Variants in CPQ observed in about 807,000 individuals in gnomAD.
The protein encoded by CPQ is carboxypeptidase Q.
In CPQ, 37 loss-of-function variants were observed where a neutral mutation model predicts 45.7. That is an observed-to-expected ratio of 0.81 (90% CI 0.62 to 1.07). CPQ has a LOEUF of 1.07. Among genes scored for constraint, CPQ ranks in the 50% least tolerant of loss-of-function variants. CPQ has a pLI of 0.00. For missense variants in CPQ, 537 were observed against 572.9 expected, an observed-to-expected ratio of 0.94 and a Z score of 0.64; for synonymous variants, 186 against 205.8, an observed-to-expected ratio of 0.90 and a Z score of 0.82.
intron 1 of CPQ, among the ~76,000 whole-genome samples, chr8:96,737,942 A>G (rs551738381): frequency 5.3e-5 from 8 of 152,036 alleles, no homozygotes; most frequent in Non-Finnish European, 7.4e-5. Flanking sequence ...TGTATTTTCT[A>G]TTTTTTAGTA....
chr8:96,687,513 G>A (rs942532521), intron 1 of CPQ, among the ~76,000 whole-genome samples: 2 of 151,798 alleles, frequency 1.3e-5, no homozygotes, highest in Non-Finnish European at 2.9e-5. Context: ...CTGGCCACAT[G>A]CCATTTTTCT....
intron 4 of CPQ, among the ~76,000 whole-genome samples, chr8:96,909,183 C>T (rs961433092): frequency 1.3e-5 from 2 of 152,034 alleles, no homozygotes; most frequent in African/African-American, 4.8e-5. Context: ...TTTCTCTTCT[C>T]TTTTCCCATG....
chr8:96,821,197 C>T (rs946096455), intron 2 of CPQ, among the ~76,000 whole-genome samples: 11 of 126,308 alleles, frequency 8.7e-5, no homozygotes, highest in Non-Finnish European at 1.7e-4. Context: ...TTATTAATCC[C>T]TTGTCAGATG....
chr8:97,124,086 C>T (rs1811802676), intron 7 of CPQ, among the ~76,000 whole-genome samples: 1 of 151,828 alleles, frequency 6.6e-6, no homozygotes, highest in South Asian at 2.1e-4. Flanking sequence ...ATTAGATGGA[C>T]TTGGTGGTGG....
rs887499090 is a variant in CPQ, at chr8:96,722,725, T to G, written c.-34-62139T>G. Among the ~76,000 whole-genome samples, 74 of 152,202 alleles carry G rather than the reference T, an allele frequency of 4.9e-4. 1 individual carries two copies. The highest frequency in any genetic ancestry group is 7.4e-5 in the Non-Finnish European group (5 of 68,012). On this transcript the variant is annotated intron_variant, in intron 1 of 7. Coordinates refer to ENST00000220763, the MANE Select transcript of CPQ (RefSeq NM_016134.4). Reference sequence around the variant, plus strand: ...GATTTATTTCTCTCTCATGCAAATTTCTTTGATGCTTGGACAATTTTCCAG... The same window carrying G: ...GATTTATTTCTCTCTCATGCAAATTGCTTTGATGCTTGGACAATTTTCCAG...
intron 7 of CPQ, among the ~76,000 whole-genome samples, chr8:97,126,715 A>G (rs1365142093): frequency 6.6e-6 from 1 of 152,176 alleles, no homozygotes; most frequent in Non-Finnish European, 1.5e-5. Flanking sequence ...TTTTAAGCAG[A>G]CTTAAATAAA....
intron 1 of CPQ, among the ~76,000 whole-genome samples, chr8:96,663,382 C>G (rs1356709429): frequency 1.3e-5 from 2 of 152,214 alleles, no homozygotes; most frequent in Non-Finnish European, 2.9e-5. Flanking sequence ...ATGTTTGTTT[C>G]CTCAGCTGAC....
Position 96,741,916 on chromosome 8 carries a change from A to C in CPQ, c.-34-42948A>C, listed in dbSNP as rs557595116. 7.8e-4 allele frequency among the ~76,000 whole-genome samples: 112 copies of C among 143,924 alleles called. 1 individual carries two copies. In the East Asian group the frequency reaches 0.02, roughly 26 times the overall value. The allele number at this position is 143,924 out of a possible 152,430, so 94.4% of individuals were successfully genotyped here. On this transcript the variant is annotated intron_variant, in intron 1 of 7. Transcript: ENST00000220763. The stretch of plus-strand genomic sequence containing the variant: ...CCAACTATGTGGTCAATTTTGGAAT[A>C]GGTGTGGTGTGGTGCTGAAAAAAAT...
intron 5 of CPQ, among the ~76,000 whole-genome samples, chr8:96,987,710 C>T (rs1017834142): frequency 6.6e-6 from 1 of 152,198 alleles, no homozygotes; most frequent in African/African-American, 2.4e-5. Flanking sequence ...TTACTGATAA[C>T]TCAGAGAACT....
intron 2 of CPQ, among the ~76,000 whole-genome samples, chr8:96,787,525 C>CTTTTTTTTTTTTTTGTTTTTTTTTTTTT (rs1810785183): frequency 2.1e-5 from 1 of 47,594 alleles, no homozygotes; most frequent in Non-Finnish European, 3.7e-5. Context: ...CTTATAATGT[C>CTTTTTTTTTTTTTTGTTTTTTTTTTTTT]TTTTTTTTTT....
At chr8:97,087,405 T>G (rs1329847856) in intron 7 of CPQ, among the ~76,000 whole-genome samples, 2 of 152,032 alleles carry the variant, frequency 1.3e-5, no homozygotes, top group African/African-American at 4.8e-5. Flanking sequence ...GGTGCCGACT[T>G]GGGGGGTCAA....
chr8:96,900,703 G>A (rs1310304335), intron 4 of CPQ, among the ~76,000 whole-genome samples: 1 of 152,100 alleles, frequency 6.6e-6, no homozygotes, highest in Non-Finnish European at 1.5e-5. Flanking sequence ...CTGACTCTTG[G>A]AATCATAGAA....
intron 3 of CPQ, among the ~76,000 whole-genome samples, chr8:96,852,679 C>T (rs184366592): frequency 1.3e-5 from 2 of 152,278 alleles, no homozygotes; most frequent in Non-Finnish European, 2.9e-5. Flanking sequence ...TTAAGCTGAA[C>T]TGTCTGGGGG....
At chr8:96,880,534 TATATATATATA>T (rs1812208210) in intron 4 of CPQ, among the ~76,000 whole-genome samples, 1 of 8,948 alleles carries the variant, frequency 1.1e-4, no homozygotes, top group South Asian at 6.5e-3. Context: ...TATATATATA[TATATATATATA>T]TATATATATA....
intron 1 of CPQ, among the ~76,000 whole-genome samples, chr8:96,738,679 C>T (rs1810031166): frequency 1.3e-5 from 2 of 152,052 alleles, no homozygotes; most frequent in Non-Finnish European, 2.9e-5. Context: ...TCTTATTGTT[C>T]AATTCCCACC....
rs558307985 is a variant in CPQ, at chr8:97,115,859, G to A, written c.1256-27161G>A. Among the ~76,000 whole-genome samples the A allele has an allele frequency of 3.3e-5, 5 of 152,138 alleles. No homozygotes were observed. In the South Asian group the frequency reaches 1.0e-3, roughly 32 times the overall value. Reference sequence around the variant, plus strand: ...ATGGAGTTTCTACTTTAAAAATCAGGTGTATTGAAAAAATGGTTATAATTG... The same window carrying A: ...ATGGAGTTTCTACTTTAAAAATCAGATGTATTGAAAAAATGGTTATAATTG... On this transcript the variant is annotated intron_variant, in intron 7 of 7. Coordinates refer to ENST00000220763, the MANE Select transcript of CPQ (RefSeq NM_016134.4).
At chr8:96,918,923 C>T (rs933269067) in intron 4 of CPQ, among the ~76,000 whole-genome samples, 1 of 152,096 alleles carries the variant, frequency 6.6e-6, no homozygotes, top group East Asian at 1.9e-4. Context: ...CTATGACTTA[C>T]CCTGCTTTAG....
chr8:96,777,169 G>A (rs1159551444), intron 1 of CPQ, among the ~76,000 whole-genome samples: 7 of 151,854 alleles, frequency 4.6e-5, no homozygotes, highest in Non-Finnish European at 1.5e-5. Context: ...GATGTTTTTC[G>A]CAGCATTATT....
intron 5 of CPQ, among the ~76,000 whole-genome samples, chr8:97,009,192 A>G (rs1563553031): frequency 1.3e-5 from 2 of 152,220 alleles, no homozygotes; most frequent in Non-Finnish European, 2.9e-5. Flanking sequence ...GGCGCTGAGC[A>G]CTTGTTCTCC....
Sources: allele counts gnomAD v4.1 joint callset (sites outside exome capture counted in the v4.1 genomes callset), GRCh38; gene constraint gnomAD v4.1.1; transcripts MANE v1.5; gene names NCBI Gene and HGNC (gene_info 2026-07-23, HGNC 2026-07-21).